The following SPAG17 variants were observed in gnomAD, a reference collection of about 807,000 sequenced individuals.
The protein encoded by SPAG17 is sperm associated antigen 17, also known as sperm-associated antigen 17.
SPAG17 carries 169 observed loss-of-function variants against 273.6 expected under a neutral mutation model. The observed-to-expected ratio is 0.62, with a 90% CI of 0.55 to 0.70. The LOEUF is 0.70. SPAG17 is among the 30% of genes least tolerant of loss of function. SPAG17 has a pLI of 0.00. For missense variants in SPAG17, 2,557 were observed against 2,627.8 expected (o/e 0.97, Z 0.59); for synonymous variants, 825 against 873.2 (o/e 0.94, Z 0.97).
At chr1:117,991,828 T>A (rs1657119859) in intron 36 of SPAG17, among the ~76,000 whole-genome samples, 1 of 152,170 alleles carries the variant, frequency 6.6e-6, no homozygotes, top group Non-Finnish European at 1.5e-5. Flanking sequence ...TGGACAGAAT[T>A]GGGTTAGATG....
At chr1:118,163,179 A>G (rs2102375966) in intron 1 of SPAG17, among the ~76,000 whole-genome samples, 1 of 152,358 alleles carries the variant, frequency 6.6e-6, no homozygotes, top group East Asian at 1.9e-4. Flanking sequence ...TGCATTTAAA[A>G]AAGTACTGAA....
At chr1:117,972,096 A>T in intron 44 of SPAG17, 49 bp from the exon 45 acceptor site, 6 of 1,495,928 alleles carry the variant, frequency 4.0e-6, no homozygotes, top group Non-Finnish European at 5.4e-6. Flanking sequence ...TGAGTTCCCA[A>T]GATTAAAAAA....
At chr1:117,993,462 C>T (rs1187759333) in intron 35 of SPAG17, among the ~76,000 whole-genome samples, 4 of 152,172 alleles carry the variant, frequency 2.6e-5, no homozygotes, top group Admixed American at 1.3e-4. Context: ...GTGACCTCCT[C>T]ATTTTCAGAG....
intron 4 of SPAG17, among the ~76,000 whole-genome samples, chr1:118,108,841 CAA>C (rs1200606410): frequency 6.6e-6 from 1 of 151,484 alleles, no homozygotes; most frequent in Non-Finnish European, 1.5e-5. Flanking sequence ...CAGCAATAAC[CAA>C]AAAAAGTGTT....
At chr1:117,957,351 T>A (rs1021341565) in intron 48 of SPAG17, among the ~76,000 whole-genome samples, 2 of 152,176 alleles carry the variant, frequency 1.3e-5, no homozygotes, top group African/African-American at 4.8e-5. Flanking sequence ...CTGAGGTGGG[T>A]GGATTGCTTG....
intron 1 of SPAG17, among the ~76,000 whole-genome samples, chr1:118,182,196 G>T (rs567161986): frequency 6.6e-6 from 1 of 152,256 alleles, no homozygotes; most frequent in South Asian, 2.1e-4. Context: ...GTCACAAAAA[G>T]ACAAATACTA....
At chr1:117,957,451 G>T (rs559599017) in intron 48 of SPAG17, among the ~76,000 whole-genome samples, 21 of 152,240 alleles carry the variant, frequency 1.4e-4, no homozygotes, top group African/African-American at 5.1e-4. Context: ...AGAAGTCATG[G>T]TAATACATTG....
chr1:118,042,194 A>T, intron 20 of SPAG17, 152 bp from the exon 21 acceptor site: 2 of 925,246 alleles, frequency 2.2e-6, no homozygotes, highest in Admixed American at 2.9e-5. Context: ...CGTCATCCTT[A>T]ATTCTCTTTC....
intron 31 of SPAG17, among the ~76,000 whole-genome samples, chr1:118,007,797 T>C (rs1659052996): frequency 6.6e-6 from 1 of 152,152 alleles, no homozygotes; most frequent in South Asian, 2.1e-4. Context: ...CACATTTTGG[T>C]TTATAACCTT....
chr1:118,054,673 T>C (rs542150036), intron 19 of SPAG17, among the ~76,000 whole-genome samples: 1 of 152,192 alleles, frequency 6.6e-6, no homozygotes, highest in East Asian at 1.9e-4. Flanking sequence ...ACATGAGTGT[T>C]AGAGGGCAGC....
chr1:118,087,185 G>T, intron 10 of SPAG17, 177 bp from the exon 11 acceptor site: 1 of 502,576 alleles, frequency 2.0e-6, no homozygotes, highest in Non-Finnish European at 3.3e-6. Context: ...AAGGAAAAGT[G>T]TTCGCAATCC....
rs188541752 is a variant in SPAG17, at chr1:118,089,188, G to A, written c.1360-2180C>T. 1.8e-3 allele frequency among the ~76,000 whole-genome samples: 273 copies of A among 152,310 alleles called. 1 individual carries two copies. Among genetic ancestry groups the A allele is most frequent in the Non-Finnish European group, 3.2e-3 (217 of 68,024 alleles). ...GAGGGTTCTTTAGATCAGGTGGTCA[G>A]AGAAGGCCTCTCTAAGGATTGACAC... On this transcript the variant is annotated intron_variant, in intron 10 of 48. Transcript: ENST00000336338.
intron 3 of SPAG17, among the ~76,000 whole-genome samples, chr1:118,116,978 T>G (rs1208703486): frequency 6.6e-6 from 1 of 152,156 alleles, no homozygotes. Context: ...GATGACCAGA[T>G]CCCACGTGGA....
rs1448864437 is a variant in SPAG17, at chr1:118,012,380, T to C, written c.4288-8A>G. ...TTCTCGAGTTGTCATAACCTGAACA[T>C]GAAGAGGCAGGACATAATCATTTGG... On this transcript the variant is annotated splice_region_variant and splice_polypyrimidine_tract_variant and intron_variant, in intron 29 of 48. Coordinates refer to ENST00000336338, the MANE Select transcript of SPAG17 (RefSeq NM_206996.4). The C allele has an allele frequency of 6.2e-7, 1 of 1,612,396 alleles. No homozygotes were observed. The highest frequency in any genetic ancestry group is 1.1e-5 in the South Asian group (1 of 90,752).
chr1:118,158,185 A>G (rs1659746239), intron 1 of SPAG17, among the ~76,000 whole-genome samples: 1 of 152,224 alleles, frequency 6.6e-6, no homozygotes, highest in Non-Finnish European at 1.5e-5. Context: ...ATTTTTTCAG[A>G]GCCATGGAAG....
At chr1:118,149,872 A>G (rs940003051) in intron 3 of SPAG17, among the ~76,000 whole-genome samples, 1 of 152,210 alleles carries the variant, frequency 6.6e-6, no homozygotes, top group African/African-American at 2.4e-5. Context: ...AGTTTCTTGA[A>G]AGCTGTAAGT....
chr1:118,019,488 A>G (rs1169899174), intron 28 of SPAG17, among the ~76,000 whole-genome samples: 2 of 152,118 alleles, frequency 1.3e-5, no homozygotes, highest in Non-Finnish European at 2.9e-5. Context: ...ATAAAAGTTC[A>G]AGGCCTCTTA....
At chr1:118,138,860 A>G (rs1658506804) in intron 3 of SPAG17, among the ~76,000 whole-genome samples, 1 of 152,204 alleles carries the variant, frequency 6.6e-6, no homozygotes, top group Admixed American at 6.5e-5. Flanking sequence ...AAGGATACAA[A>G]AAATGAAAAA....
intron 3 of SPAG17, among the ~76,000 whole-genome samples, chr1:118,120,830 T>C (rs1020266068): frequency 6.6e-6 from 1 of 152,224 alleles, no homozygotes; most frequent in African/African-American, 2.4e-5. Flanking sequence ...GCCATGAAAA[T>C]AGAAAATATT....
Sources: gnomAD v4.1 joint callset for allele counts (sites outside exome capture counted in the v4.1 genomes callset) on GRCh38, gnomAD v4.1.1 for gene constraint, MANE v1.5 for transcripts, NCBI Gene and HGNC (gene_info 2026-07-23, HGNC 2026-07-21) for gene names.